The following CLEC5A variants were observed in gnomAD, a reference collection of about 807,000 sequenced individuals.
CLEC5A encodes the protein C-type lectin domain containing 5A.
A neutral mutation model predicts 24.4 loss-of-function variants in CLEC5A; 15 were observed. The observed-to-expected ratio is 0.62, with a 90% CI of 0.41 to 0.95. The LOEUF (loss-of-function observed/expected upper bound fraction) is 0.95. Ranked by LOEUF, CLEC5A falls within the 40% of genes least tolerant of loss-of-function variation. The pLI is 0.00. For synonymous variants in CLEC5A, 71 were observed against 72.6 expected, an observed-to-expected ratio of 0.98 and a Z score of 0.11; for missense variants, 211 against 224.0, an observed-to-expected ratio of 0.94 and a Z score of 0.37.
chr7:141,935,073 C>T (rs577953667), intron 5 of CLEC5A, among the ~76,000 whole-genome samples: 2 of 152,270 alleles, frequency 1.3e-5, no homozygotes, highest in African/African-American at 4.8e-5. Context: ...ATCCCTTGGT[C>T]ATCTATTACC....
intron 5 of CLEC5A, among the ~76,000 whole-genome samples, chr7:141,932,432 T>C (rs116141992): frequency 1.2e-3 from 179 of 152,358 alleles, no homozygotes; most frequent in African/African-American, 4.0e-3. Context: ...CTGTAATTAA[T>C]TGGTGAGTTA....
chr7:141,944,732 AC>A (rs1369619005), intron 3 of CLEC5A, among the ~76,000 whole-genome samples: 1 of 152,190 alleles, frequency 6.6e-6, no homozygotes, highest in Non-Finnish European at 1.5e-5. Context: ...TTAGTTACTT[AC>A]ATTTATCTTA....
chr7:141,935,113 T>C (rs1802580645), intron 5 of CLEC5A, among the ~76,000 whole-genome samples: 1 of 152,202 alleles, frequency 6.6e-6, no homozygotes, highest in African/African-American at 2.4e-5. Flanking sequence ...TTCTTACAAA[T>C]TCTTCTAAAT....
At chr7:141,933,464 C>T (rs183488690) in intron 5 of CLEC5A, among the ~76,000 whole-genome samples, 14 of 151,006 alleles carry the variant, frequency 9.3e-5, no homozygotes, top group South Asian at 4.2e-4. Context: ...AAGGCAGAGG[C>T]GGCACTGTGC....
rs182265729 is a variant in CLEC5A, at chr7:141,940,433, G to A, written c.208+3463C>T. Among the ~76,000 whole-genome samples, 119 of 150,976 alleles carry A rather than the reference G, an allele frequency of 7.9e-4. No homozygotes were observed. The East Asian group carries it at 9.9e-3, about 13-fold the overall frequency. On this transcript the variant is annotated intron_variant, in intron 4 of 6. Coordinates refer to ENST00000546910, the MANE Select transcript of CLEC5A (RefSeq NM_013252.3). ...ACTGAAACCTGTAGGATATTAAGAC[G>A]GAAGTTTATACCTATAAGTGCCTGC...
intron 4 of CLEC5A, among the ~76,000 whole-genome samples, chr7:141,937,027 A>T (rs1802652941): frequency 6.6e-6 from 1 of 151,944 alleles, no homozygotes; most frequent in African/African-American, 2.4e-5. Context: ...CTGATGAAAG[A>T]ATTCTTGGGC....
chr7:141,943,898 G>C lies in CLEC5A; in HGVS notation c.206C>G (p.Thr69Arg), dbSNP rs782538508. The C allele has an allele frequency of 6.2e-7, 1 of 1,602,844 alleles. No homozygotes were observed. Among genetic ancestry groups the C allele is most frequent in the Non-Finnish European group, 8.5e-7 (1 of 1,169,974 alleles). Residue 69 changes from threonine (T) to arginine (R), a missense_variant and splice_region_variant, in exon 4 of 7, where the codon ACA (threonine) becomes AGA (arginine). Physicochemically the swap from Thr to Arg is moderately conservative, Grantham distance 71 (BLOSUM62 -1). Coordinates refer to ENST00000546910, the MANE Select transcript of CLEC5A (RefSeq NM_013252.3). ...NGFITTRSYG[T>R]VCPKDWEFYQ... ...TAGGTTGTAATCATGCACTTTACCT[G>C]TTCCATAGCTCCTTGTGGTAATGAA...
intron 4 of CLEC5A, among the ~76,000 whole-genome samples, chr7:141,938,765 G>A (rs1485638098): frequency 6.6e-6 from 1 of 152,100 alleles, no homozygotes; most frequent in Non-Finnish European, 1.5e-5. Flanking sequence ...ATAATATACA[G>A]TGGAGCTCCA....
intron 5 of CLEC5A, among the ~76,000 whole-genome samples, chr7:141,933,575 C>CATATACATATATATATATAT (rs1802525717): frequency 8.7e-6 from 1 of 115,232 alleles, no homozygotes; most frequent in African/African-American, 4.2e-5. Context: ...AGGGAGCAGG[C>CATATACATATATATATATAT]ATATATATAT....
intron 6 of CLEC5A, chr7:141,931,487 AAAAT>A (rs1554440337): frequency 1.9e-6 from 1 of 513,964 alleles, no homozygotes; most frequent in African/African-American, 2.0e-5. Context: ...TGATATGAAT[AAAAT>A]AATTTGCTAT....
At chr7:141,935,089 T>A (rs538824490) in intron 5 of CLEC5A, among the ~76,000 whole-genome samples, 1 of 152,314 alleles carries the variant, frequency 6.6e-6, no homozygotes, top group South Asian at 2.1e-4. Flanking sequence ...TTACCAAGAT[T>A]CAGAAAGGAG....
chr7:141,938,797 C>T (rs1802702132), intron 4 of CLEC5A, among the ~76,000 whole-genome samples: 1 of 152,088 alleles, frequency 6.6e-6, no homozygotes, highest in Non-Finnish European at 1.5e-5. Context: ...AGCAGACCCA[C>T]AGCGTTACTG....
rs1240340036 is a variant in CLEC5A at position 141,937,325 on chromosome 7, G to C, written c.209-1375C>G. 2.0e-5 allele frequency among the ~76,000 whole-genome samples: 3 copies of C among 151,996 alleles called. No homozygotes were observed. In the South Asian group the frequency reaches 6.2e-4, roughly 31 times the overall value. Reference sequence around the variant, plus strand: ...TAAAGGGTAGGTTCTAGGCCTGGCAGCATTCGTGACAAGCTGACCAAACAG... The same window carrying C: ...TAAAGGGTAGGTTCTAGGCCTGGCACCATTCGTGACAAGCTGACCAAACAG... On this transcript the variant is annotated intron_variant, in intron 4 of 6. Coordinates refer to ENST00000546910, the MANE Select transcript of CLEC5A (RefSeq NM_013252.3).
rs374369885 is a variant in CLEC5A, at chr7:141,936,337, C to T, written c.209-387G>A. 4.1e-5 allele frequency: 11 copies of T among 269,558 alleles called. No individual in the cohort carries two copies. In the South Asian group the frequency reaches 4.3e-4, roughly 11 times the overall value. 16.7% of individuals were successfully genotyped at this position (269,558 alleles called of 1,614,324 possible). On this transcript the variant is annotated intron_variant, in intron 4 of 6. Coordinates refer to ENST00000546910, the MANE Select transcript of CLEC5A (RefSeq NM_013252.3). ...ATAGTCTTGAATTGCTGACACCACC[C>T]CCACCCTATCCCTGCTGCAGTGACA...
At chr7:141,942,433 G>C (rs1802820057) in intron 4 of CLEC5A, among the ~76,000 whole-genome samples, 1 of 152,054 alleles carries the variant, frequency 6.6e-6, no homozygotes, top group African/African-American at 2.4e-5. Flanking sequence ...AAATCAAAAT[G>C]GATTAAAGAC....
rs201042036 is a variant in CLEC5A at position 141,931,834 on chromosome 7, T to TA, written c.346-9dup. 51,802 of 1,347,914 alleles carry TA rather than the reference T, an allele frequency of 0.038. 1,152 individuals carry two copies. The highest frequency in any genetic ancestry group is 0.16 in the South Asian group (12,217 of 75,690). The allele number at this position is 1,347,914 out of a possible 1,614,324, so 83.5% of individuals were successfully genotyped here. ...TATGTCCTGAAGAAACTTCTGGAAA[T>TA]AAAAAAAAAATTTTACCAGTGAGTC... On this transcript the variant is annotated splice_polypyrimidine_tract_variant and intron_variant, in intron 5 of 6. Coordinates refer to ENST00000546910, the MANE Select transcript of CLEC5A (RefSeq NM_013252.3).
chr7:141,942,848 A>G (rs988627639), intron 4 of CLEC5A, among the ~76,000 whole-genome samples: 8 of 152,210 alleles, frequency 5.3e-5, no homozygotes, highest in African/African-American at 1.9e-4. Context: ...ATTCCTCATT[A>G]TAGAATTTCA....
chr7:141,944,048 CT>C, intron 3 of CLEC5A, 84 bp from the exon 4 acceptor site: 2 of 824,946 alleles, frequency 2.4e-6, no homozygotes, highest in South Asian at 2.7e-5. Context: ...CTGTGTGACT[CT>C]GAATCATGGA....
intron 4 of CLEC5A, among the ~76,000 whole-genome samples, chr7:141,943,240 C>A (rs1802851760): frequency 6.6e-6 from 1 of 152,068 alleles, no homozygotes; most frequent in Non-Finnish European, 1.5e-5. Flanking sequence ...TACTGTTCAA[C>A]CATAAAAAAA....
Sources: gnomAD v4.1 joint callset for allele counts (sites outside exome capture counted in the v4.1 genomes callset) on GRCh38, gnomAD v4.1.1 for gene constraint, MANE v1.5 for transcripts, NCBI Gene and HGNC (gene_info 2026-07-23, HGNC 2026-07-21) for gene names.